KANSL2: variants seen among roughly 807,000 people sequenced by gnomAD.
KANSL2 encodes the protein NSL complex protein NSL2.
KANSL2 carries 34 observed loss-of-function variants against 55.6 expected under a neutral mutation model. That is an observed-to-expected ratio of 0.61 (90% confidence interval 0.46 to 0.81). The LOEUF (loss-of-function observed/expected upper bound fraction) is 0.81, where lower values mean the gene tolerates loss of function less well. KANSL2 is among the 40% of genes least tolerant of loss of function. KANSL2 has a pLI of 0.00. For missense variants in KANSL2, 502 were observed against 609.9 expected, an observed-to-expected ratio of 0.82 and a Z score of 1.86; for synonymous variants, 209 against 214.3, an observed-to-expected ratio of 0.98 and a Z score of 0.22.
chr12:48,660,463 A>C lies in KANSL2; in HGVS notation c.1130T>G (p.Leu377Arg). 1 of 1,613,962 alleles carries C rather than the reference A, an allele frequency of 6.2e-7. No individual in the cohort carries two copies. The highest frequency in any genetic ancestry group is 8.5e-7 in the Non-Finnish European group (1 of 1,179,870). Residue 377 changes from leucine (L) to arginine (R), a missense_variant, in exon 8 of 10, where the codon CTG (leucine) becomes CGG (arginine). Coordinates refer to ENST00000420613, the MANE Select transcript of KANSL2 (RefSeq NM_017822.4). Reference protein sequence around the residue: ...PPQMYKPEQVLSVPDDLEAGP... With the variant: ...PPQMYKPEQVRSVPDDLEAGP... ...GGCTTCCAGATCGTCTGGCACAGAC[A>C]GTACCTGCTCGGGCTTATACATCTG...
chr12:48,661,905 C>T (rs1004032852), intron 7 of KANSL2, among the ~76,000 whole-genome samples: 3 of 152,050 alleles, frequency 2.0e-5, no homozygotes, highest in African/African-American at 7.2e-5. Context: ...AACAAAATGG[C>T]CCCCAGTTGA....
intron 7 of KANSL2, among the ~76,000 whole-genome samples, chr12:48,664,205 T>C (rs997748663): frequency 6.6e-6 from 1 of 151,460 alleles, no homozygotes; most frequent in Non-Finnish European, 1.5e-5. Context: ...GAGAGCCACT[T>C]TGCCCGGCCC....
chr12:48,671,711 T>A, intron 5 of KANSL2, 88 bp downstream of exon 5: 5 of 1,311,708 alleles, frequency 3.8e-6, no homozygotes, highest in Non-Finnish European at 5.3e-6. Context: ...ACAAAGTATG[T>A]ATCCCCATCA....
intron 7 of KANSL2, 118 bp from the exon 8 acceptor site, chr12:48,660,737 A>G (rs1051021249): frequency 1.9e-6 from 2 of 1,030,510 alleles, no homozygotes; most frequent in African/African-American, 3.2e-5. Flanking sequence ...TTACAACTAC[A>G]TTTGATACAG....
rs188823633 is a variant in KANSL2 at position 48,671,415 on chromosome 12, G to C, written c.709+384C>G. 2.6e-4 allele frequency among the ~76,000 whole-genome samples: 40 copies of C among 152,136 alleles called. No homozygotes were observed. The East Asian group carries it at 6.7e-3, about 26-fold the overall frequency. ...TAAAGTAGTAAATAATAATGTGCTA[G>C]GCCTTCCCATTGACTCACCACTCAC... On this transcript the variant is annotated intron_variant, in intron 5 of 9. Transcript: ENST00000420613.
intron 4 of KANSL2, among the ~76,000 whole-genome samples, chr12:48,673,040 T>A (rs1229076945): frequency 6.6e-6 from 1 of 152,054 alleles, no homozygotes; most frequent in Non-Finnish European, 1.5e-5. Flanking sequence ...ATTACAGGCA[T>A]GAGCCACTGT....
intron 7 of KANSL2, among the ~76,000 whole-genome samples, chr12:48,662,004 G>A (rs1565605156): frequency 2.0e-5 from 3 of 152,268 alleles, no homozygotes; most frequent in East Asian, 3.9e-4. Context: ...AATCTAATGG[G>A]AATCATCAGA....
chr12:48,660,332 G>C, intron 8 of KANSL2, 34 bp downstream of exon 8: 1 of 1,609,020 alleles, frequency 6.2e-7, no homozygotes, highest in Non-Finnish European at 8.5e-7. Context: ...TTTGTCTCAA[G>C]GGCCTGAACC....
At chr12:48,655,281 T>C (rs1027092307) in intron 8 of KANSL2, among the ~76,000 whole-genome samples, 4 of 151,924 alleles carry the variant, frequency 2.6e-5, no homozygotes, top group Non-Finnish European at 4.4e-5. Context: ...ATACAGTAGA[T>C]TAAAAAACAA....
intron 5 of KANSL2, among the ~76,000 whole-genome samples, chr12:48,670,921 G>A (rs897853126): frequency 2.0e-5 from 3 of 151,402 alleles, no homozygotes; most frequent in Non-Finnish European, 4.4e-5. Flanking sequence ...TGAGGACTAC[G>A]CTACTGCACT....
chr12:48,669,092 T>A lies in KANSL2; in HGVS notation c.876+14A>T, dbSNP rs996632113. Reference sequence around the variant, plus strand: ...AGTGAACGTATATACCTTAAAGGTATACACACAAATTACCTGTTGGGCAGC... The same window carrying A: ...AGTGAACGTATATACCTTAAAGGTAAACACACAAATTACCTGTTGGGCAGC... On this transcript the variant is annotated intron_variant, in intron 6 of 9. Transcript: ENST00000420613. The A allele has an allele frequency of 7.2e-6, 11 of 1,527,880 alleles. No homozygotes were observed. The highest frequency in any genetic ancestry group is 8.8e-6 in the Non-Finnish European group (10 of 1,137,320). The allele number at this position is 1,527,880 out of a possible 1,614,324, so 94.6% of individuals were successfully genotyped here. A position where few individuals can be genotyped will look rare whatever the true frequency, so the allele number is the denominator to read the frequency against.
intron 5 of KANSL2, among the ~76,000 whole-genome samples, chr12:48,670,191 T>TA (rs1409962721): frequency 1.5e-5 from 2 of 131,874 alleles, no homozygotes; most frequent in Non-Finnish European, 3.1e-5. Flanking sequence ...AGAGTGAGAC[T>TA]ATATCACAAA....
At chr12:48,680,634 T>C (rs1939904669) in intron 2 of KANSL2, among the ~76,000 whole-genome samples, 1 of 152,164 alleles carries the variant, frequency 6.6e-6, no homozygotes, top group South Asian at 2.1e-4. Flanking sequence ...GCATGTTATT[T>C]AACAAAATTC....
chr12:48,679,371 C>T, intron 3 of KANSL2: 1 of 624,828 alleles, frequency 1.6e-6, no homozygotes, highest in African/African-American at 1.8e-5. Flanking sequence ...CCCTCTCAAA[C>T]AGAAAAATCA....
chr12:48,670,095 G>A (rs1939681441), intron 5 of KANSL2, among the ~76,000 whole-genome samples: 1 of 151,690 alleles, frequency 6.6e-6, no homozygotes, highest in Non-Finnish European at 1.5e-5. Flanking sequence ...CAGTTACTCA[G>A]GAGGCTGAGG....
rs375924841 is a variant in KANSL2, at chr12:48,681,532, G to A, written c.101C>T (p.Pro34Leu). 17 of 1,613,868 alleles carry A rather than the reference G, an allele frequency of 1.1e-5. No homozygotes were observed. The highest frequency in any genetic ancestry group is 1.4e-5 in the Non-Finnish European group (16 of 1,179,892). ...CCCCTCCAGACGAGGGTGAGAGCATGGACGATGAGTGAATGCACAAGACAG... is the reference window on the plus strand; with the variant it reads ...CCCCTCCAGACGAGGGTGAGAGCATAGACGATGAGTGAATGCACAAGACAG... ...EPLSCAFTHR[P>L]CSHPRLEGQE... The change falls in exon 2 of 10, where the codon CCA (proline) becomes CTA (leucine). Residue 34 changes from proline (P) to leucine (L), a missense_variant. Transcript: ENST00000420613.
At position 48,669,480 on chromosome 12, in the gene KANSL2, C is replaced by T. The variant is rs1003446019; in HGVS notation, c.710-208G>A. 4.6e-5 allele frequency among the ~76,000 whole-genome samples: 7 copies of T among 152,142 alleles called. No homozygotes were observed. In the East Asian group the frequency reaches 1.4e-3, roughly 29 times the overall value. On this transcript the variant is annotated intron_variant, in intron 5 of 9. Transcript: ENST00000420613. ...TTTAATCAATCATTGACCATACATA[C>T]TATGGTGGTCCCATAAGATTATAAC...
intron 4 of KANSL2, among the ~76,000 whole-genome samples, chr12:48,678,671 C>T (rs1939868209): frequency 6.6e-6 from 1 of 152,176 alleles, no homozygotes; most frequent in South Asian, 2.1e-4. Context: ...ACTACAATCA[C>T]ATTATTCCTG....
Position 48,682,199 on chromosome 12 carries a change from G to GGGGCGCCGCA in KANSL2, c.-23_-22insTGCGGCGCCC. On this transcript the variant is annotated 5_prime_UTR_variant, in exon 1 of 10. Transcript: ENST00000420613. ...ACCGCCATCTTACCTCAGGAGCTGC[G>GGGGCGCCGCA]CTGCGCCGCACTCTGCCGCGCCGCT... 1 of 676,514 alleles carries GGGGCGCCGCA rather than the reference G, an allele frequency of 1.5e-6. No individual in the cohort carries two copies. Among genetic ancestry groups the GGGGCGCCGCA allele is most frequent in the Non-Finnish European group, 2.7e-6 (1 of 371,346 alleles). The allele number at this position is 676,514 out of a possible 1,614,324, so 41.9% of individuals were successfully genotyped here.
Sources: allele counts gnomAD v4.1 joint callset (sites outside exome capture counted in the v4.1 genomes callset), GRCh38; gene constraint gnomAD v4.1.1; transcripts MANE v1.5; gene names NCBI Gene and HGNC (gene_info 2026-07-23, HGNC 2026-07-21).